Variants in CFAP90 observed in about 807,000 individuals in gnomAD.
CFAP90 encodes cilia and flagella associated protein 90, also known as cilia- and flagella-associated protein 90.
the CFAP90 span, among the ~76,000 whole-genome samples, chr5:7,846,943 C>G: frequency 2.0e-5 from 3 of 152,112 alleles, no homozygotes; most frequent in Non-Finnish European, 4.4e-5. Flanking sequence ...TGGGGTTTCA[C>G]CACGTTGGCT....
the CFAP90 span, among the ~76,000 whole-genome samples, chr5:7,841,192 C>T: frequency 6.6e-6 from 1 of 152,106 alleles, no homozygotes; most frequent in Non-Finnish European, 1.5e-5. Flanking sequence ...AGACACTTCT[C>T]AATAGACACA....
At chr5:7,831,606 G>C in the CFAP90 span, 3 of 387,836 alleles carry the variant, frequency 7.7e-6, no homozygotes, top group Admixed American at 8.1e-5. Flanking sequence ...AATTCCAGCT[G>C]AAAATCATCA....
At chr5:7,832,101 AGCCTGGGTCCTGGGAGCTTTTTCT>A in the CFAP90 span, 1 of 1,484,036 alleles carries the variant, frequency 6.7e-7, no homozygotes, top group Non-Finnish European at 9.2e-7. Flanking sequence ...TGCATCCATC[AGCCTGGGTCCTGGGAGCTTTTTCT>A]GCCTGGGTCC....
the CFAP90 span, among the ~76,000 whole-genome samples, chr5:7,846,336 C>A: frequency 6.6e-6 from 1 of 152,190 alleles, no homozygotes; most frequent in African/African-American, 2.4e-5. Flanking sequence ...GCTGCTATAA[C>A]AAAATACCCA....
At chr5:7,831,783 C>T in the CFAP90 span, 2 of 1,497,264 alleles carry the variant, frequency 1.3e-6, no homozygotes, top group Non-Finnish European at 1.8e-6. Flanking sequence ...CCAGATGCCA[C>T]CTTCTCGCTG....
chr5:7,850,756 T>TC, the CFAP90 span: 1 of 958,182 alleles, frequency 1.0e-6, no homozygotes. Context: ...TGATCCCTTC[T>TC]CCCCCGCCCC....
chr5:7,849,806 C>T, the CFAP90 span, among the ~76,000 whole-genome samples: 2 of 125,106 alleles, frequency 1.6e-5, no homozygotes, highest in Non-Finnish European at 3.5e-5. Flanking sequence ...TTCTGGTCTT[C>T]GGTTTGCAGG....
the CFAP90 span, among the ~76,000 whole-genome samples, chr5:7,847,167 C>T: frequency 1.3e-5 from 2 of 152,174 alleles, no homozygotes; most frequent in African/African-American, 4.8e-5. Flanking sequence ...TCATATCATC[C>T]TGAGGAGTGG....
the CFAP90 span, among the ~76,000 whole-genome samples, chr5:7,846,956 G>A: frequency 6.6e-6 from 1 of 152,258 alleles, no homozygotes; most frequent in African/African-American, 2.4e-5. Context: ...CGTTGGCTGG[G>A]CTGGTCTTGA....
the CFAP90 span, among the ~76,000 whole-genome samples, chr5:7,835,706 G>A: frequency 6.6e-6 from 1 of 152,286 alleles, no homozygotes; most frequent in South Asian, 2.1e-4. Context: ...GAAGTTTGCT[G>A]AGAGGCCCAG....
At chr5:7,832,990 A>G in the CFAP90 span, among the ~76,000 whole-genome samples, 1 of 152,224 alleles carries the variant, frequency 6.6e-6, no homozygotes, top group African/African-American at 2.4e-5. Flanking sequence ...TCTGCTCCGC[A>G]AGACCAACTT....
chr5:7,847,159 A>G, the CFAP90 span, among the ~76,000 whole-genome samples: 1 of 152,196 alleles, frequency 6.6e-6, no homozygotes, highest in Non-Finnish European at 1.5e-5. Context: ...ATCCCAGTTC[A>G]TATCATCCTG....
chr5:7,850,422 G>A, the CFAP90 span, among the ~76,000 whole-genome samples: 1 of 150,102 alleles, frequency 6.7e-6, no homozygotes, highest in Non-Finnish European at 1.5e-5. Context: ...CTCTGTCCCC[G>A]ATCCCTAGCG....
chr5:7,848,675 A>T, the CFAP90 span, among the ~76,000 whole-genome samples: 4 of 152,176 alleles, frequency 2.6e-5, no homozygotes, highest in African/African-American at 9.7e-5. Flanking sequence ...TGTAGTTCCC[A>T]TAATTCCCAC....
chr5:7,833,734 T>C, the CFAP90 span, among the ~76,000 whole-genome samples: 1 of 151,602 alleles, frequency 6.6e-6, no homozygotes, highest in Non-Finnish European at 1.5e-5. Context: ...ATGGATCTCA[T>C]ATACGACGGT....
the CFAP90 span, among the ~76,000 whole-genome samples, chr5:7,847,397 T>C: frequency 6.6e-6 from 1 of 152,178 alleles, no homozygotes; most frequent in Non-Finnish European, 1.5e-5. Context: ...CATTAATTTG[T>C]TCTAAGTTCC....
chr5:7,839,810 T>C, the CFAP90 span, among the ~76,000 whole-genome samples: 1 of 152,054 alleles, frequency 6.6e-6, no homozygotes. Flanking sequence ...TTCAGAACTT[T>C]CCAGAGTAAA....
the CFAP90 span, chr5:7,831,966 T>G: frequency 6.2e-7 from 1 of 1,614,124 alleles, no homozygotes; most frequent in Non-Finnish European, 8.5e-7. Context: ...AGGGGCTCAA[T>G]GGGCTGATTG....
chr5:7,840,710 A>C, the CFAP90 span, among the ~76,000 whole-genome samples: 1 of 152,188 alleles, frequency 6.6e-6, no homozygotes, highest in South Asian at 2.1e-4. Context: ...CCTAATCCCC[A>C]GGAACTCTGA....
Sources: gnomAD v4.1 joint callset for allele counts (sites outside exome capture counted in the v4.1 genomes callset) on GRCh38, gnomAD v4.1.1 for gene constraint, MANE v1.5 for transcripts, NCBI Gene and HGNC (gene_info 2026-07-23, HGNC 2026-07-21) for gene names.